Variants in PCP2 observed in about 807,000 individuals in gnomAD.
The protein encoded by PCP2 is Purkinje cell protein 2.
PCP2 carries 21 observed loss-of-function variants against 18.3 expected under a neutral mutation model. That is an observed-to-expected ratio of 1.14 (90% CI 0.81 to 1.65). The LOEUF is 1.65. Ranked by LOEUF, PCP2 falls within the 40% of genes most tolerant of loss-of-function variation. The pLI is 0.00. For missense variants in PCP2, 202 were observed against 201.8 expected, an observed-to-expected ratio of 1.00 and a Z score of 0.00; for synonymous variants, 85 against 77.6, an observed-to-expected ratio of 1.10 and a Z score of -0.50.
rs2031363249 is a variant in PCP2, at chr19:7,632,537, CTT to C, written c.167-22_167-21del. The C allele has an allele frequency of 1.2e-6, 2 of 1,611,198 alleles. No homozygotes were observed. Among genetic ancestry groups the C allele is most frequent in the South Asian group, 2.2e-5 (2 of 91,048 alleles). On this transcript the variant is annotated intron_variant, in intron 2 of 3. Coordinates refer to ENST00000311069, the MANE Select transcript of PCP2 (RefSeq NM_174895.3). The surrounding 1 kb of genome is among the most constrained non-coding windows in gnomAD (Gnocchi z 5.2). Reference sequence around the variant, plus strand: ...CGCTCTCTGCGTGGACGTTCACAGACTTGGGAGGACACAGCCGGAGTGGGGGC... The same window carrying C: ...CGCTCTCTGCGTGGACGTTCACAGACGGGAGGACACAGCCGGAGTGGGGGC...
chr19:7,632,505 G>A lies in PCP2; in HGVS notation c.179C>T (p.Thr60Ile), dbSNP rs1374512816. Residue 60 changes from threonine (T) to isoleucine (I), a missense_variant, in exon 3 of 4, where the codon ACC (threonine) becomes ATC (isoleucine). Physicochemically the swap from Thr to Ile is moderately conservative, Grantham distance 89. Coordinates refer to ENST00000311069, the MANE Select transcript of PCP2 (RefSeq NM_174895.3). This position sits in a 1 kb window ranked among gnomAD's most constrained non-coding sequence, Gnocchi z 5.2. ...GTCCATGAGGCTGTCCATCTCGGGG[G>A]TGGGGTCGCTCTCTGCGTGGACGTT... The part of the protein sequence containing the change: ...GQTTKSQSDP[T>I]PEMDSLMDML... 1 of 1,613,282 alleles carries A rather than the reference G, an allele frequency of 6.2e-7. No individual in the cohort carries two copies. Among genetic ancestry groups the A allele is most frequent in the Non-Finnish European group, 8.5e-7 (1 of 1,179,966 alleles).
upstream of PCP2, among the ~76,000 whole-genome samples, chr19:7,634,435 C>T (rs1304919273): frequency 6.6e-6 from 1 of 152,250 alleles, no homozygotes; most frequent in Non-Finnish European, 1.5e-5. Flanking sequence ...TCCCTCTATG[C>T]CAATGAAGTG....
intron 1 of PCP2, 78 bp downstream of exon 1, chr19:7,633,329 T>C (rs1454875145): frequency 3.0e-6 from 4 of 1,343,082 alleles, no homozygotes; most frequent in Non-Finnish European, 4.1e-6. Flanking sequence ...GTTAATTAGG[T>C]GCCCTACAAA....
rs370990226 is a variant in PCP2 at position 7,633,646 on chromosome 19, T to C, written c.-189A>G. On this transcript the variant is annotated 5_prime_UTR_variant, in exon 1 of 4. Coordinates refer to ENST00000311069, the MANE Select transcript of PCP2 (RefSeq NM_174895.3). Reference sequence around the variant, plus strand: ...CCAGATAATTGTTTGCCCACAACGATGCTGGATCTGGCATGGTGGGTAGGG... The same window carrying C: ...CCAGATAATTGTTTGCCCACAACGACGCTGGATCTGGCATGGTGGGTAGGG... The C allele has an allele frequency of 2.6e-4, 160 of 613,538 alleles. No homozygotes were observed. The African/African-American group carries it at 2.7e-3, about 10-fold the overall frequency. The allele number at this position is 613,538 out of a possible 1,614,324, so 38.0% of individuals were successfully genotyped here.
At chr19:7,631,901 G>A (rs916558322) in intron 3 of PCP2, 93 bp from the exon 4 acceptor site, 20 of 1,214,094 alleles carry the variant, frequency 1.6e-5, no homozygotes, top group South Asian at 2.6e-5. Context: ...GGTAGCCACC[G>A]TGTCCCACCT....
In PCP2 at chr19:7,632,125, T is replaced by G; in HGVS notation, c.291+268A>C. On this transcript the variant is annotated intron_variant, in intron 3 of 3. Transcript: ENST00000311069. This position sits in a 1 kb window ranked among gnomAD's most constrained non-coding sequence, Gnocchi z 5.2. ...CCTGGGATACTTTCCTAGGAAGGGG[T>G]CCTATTTTCTCCCTTTGGCCTCCCC... 1 of 575,724 alleles carries G rather than the reference T, an allele frequency of 1.7e-6. No homozygotes were observed. The highest frequency in any genetic ancestry group is 3.0e-6 in the Non-Finnish European group (1 of 332,356). The allele number at this position is 575,724 out of a possible 1,614,324, so 35.7% of individuals were successfully genotyped here.
intron 1 of PCP2, chr19:7,633,115 G>T: frequency 9.9e-7 from 1 of 1,014,382 alleles, no homozygotes; most frequent in Non-Finnish European, 1.4e-6. Flanking sequence ...CTAGATTGGG[G>T]CCTGATGAGT....
chr19:7,636,862 T>C (rs7359905), upstream of PCP2: 169,144 of 367,426 alleles, frequency 0.46, 42,037 homozygotes, highest in East Asian at 0.74. Flanking sequence ...CCTGCGATCC[T>C]GCTTCGCACG....
At position 7,633,417 on chromosome 19, in the gene PCP2, G is replaced by C. The variant is rs764220504; in HGVS notation, c.41C>G (p.Pro14Arg). The change falls in exon 1 of 4, where the codon CCC (proline) becomes CGC (arginine). Residue 14 changes from proline to arginine, a missense_variant. Pro to Arg is a moderately radical substitution (Grantham distance 103). Coordinates refer to ENST00000311069, the MANE Select transcript of PCP2 (RefSeq NM_174895.3). The stretch of plus-strand genomic sequence containing the variant: ...GCAGGGCCCTCTCACCTCGGCACAG[G>C]GGCCTGAGCCTTCCTCCGTCTTCTC... The part of the protein sequence containing the change: ...QEEKTEEGSG[P>R]CAEAGSPDQE... 1.3e-6 allele frequency: 2 copies of C among 1,573,660 alleles called. No individual in the cohort carries two copies. Among genetic ancestry groups the C allele is most frequent in the East Asian group, 2.3e-5 (1 of 43,286 alleles).
chr19:7,634,841 C>G (rs941169240), upstream of PCP2, among the ~76,000 whole-genome samples: 3 of 152,216 alleles, frequency 2.0e-5, no homozygotes, highest in Non-Finnish European at 4.4e-5. Context: ...TGGCTTGTCA[C>G]TGCAGCTCTT....
Position 7,633,483 on chromosome 19 carries a change from G to T in PCP2, c.-26C>A, listed in dbSNP as rs1394598370. On this transcript the variant is annotated 5_prime_UTR_variant, in exon 1 of 4. Coordinates refer to ENST00000311069, the MANE Select transcript of PCP2 (RefSeq NM_174895.3). Reference sequence around the variant, plus strand: ...GTCCCTGGACTCCAGTCACTTTTCTGCTGGCCTCTGCCCCGGCCCAGTGCC... The same window carrying T: ...GTCCCTGGACTCCAGTCACTTTTCTTCTGGCCTCTGCCCCGGCCCAGTGCC... 4.5e-6 allele frequency: 7 copies of T among 1,562,862 alleles called. No individual in the cohort carries two copies. In the South Asian group the frequency reaches 5.9e-5, roughly 13 times the overall value.
intron 3 of PCP2, 142 bp from the exon 4 acceptor site, chr19:7,631,950 C>T: frequency 1.2e-6 from 1 of 850,968 alleles, no homozygotes; most frequent in Admixed American, 3.7e-5. Flanking sequence ...TCAATATCTG[C>T]CATTTAGGGT....
Position 7,632,344 on chromosome 19 carries a change from G to C in PCP2, c.291+49C>G. On this transcript the variant is annotated intron_variant, in intron 3 of 3. Coordinates refer to ENST00000311069, the MANE Select transcript of PCP2 (RefSeq NM_174895.3). This position sits in a 1 kb window ranked among gnomAD's most constrained non-coding sequence, Gnocchi z 5.2. ...GGCTGGGGTGGAGGGCAGGATCGGA[G>C]AGCACTGCCTGGCGGGTTTCTCCTC... 1 of 1,608,484 alleles carries C rather than the reference G, an allele frequency of 6.2e-7. No individual in the cohort carries two copies. Among genetic ancestry groups the C allele is most frequent in the Non-Finnish European group, 8.5e-7 (1 of 1,177,774 alleles).
At chr19:7,636,780 C>A (rs2279043), upstream of PCP2, 11,813 of 228,606 alleles carry the variant, frequency 0.052, 1,617 homozygotes, top group East Asian at 0.49. Context: ...CAGTGGCGGC[C>A]CGGTGGCATC....
rs774949993 is a variant in PCP2, at chr19:7,633,377, G to C, written c.51+30C>G. 5 of 1,554,708 alleles carry C rather than the reference G, an allele frequency of 3.2e-6. No individual in the cohort carries two copies. In the South Asian group the frequency reaches 5.9e-5, roughly 18 times the overall value. On this transcript the variant is annotated intron_variant, in intron 1 of 3. Coordinates refer to ENST00000311069, the MANE Select transcript of PCP2 (RefSeq NM_174895.3). Reference sequence around the variant, plus strand: ...ATCATGGGCTCTGAGACCTTGAGCTGGGGGTGGGGTGGGGGCAGGGCCCTC... The same window carrying C: ...ATCATGGGCTCTGAGACCTTGAGCTCGGGGTGGGGTGGGGGCAGGGCCCTC...
At position 7,632,777 on chromosome 19, in the gene PCP2, G is replaced by T. The variant is rs141790809; in HGVS notation, c.105C>A (p.Gly35=). 6 of 1,566,620 alleles carry T rather than the reference G, an allele frequency of 3.8e-6. No individual in the cohort carries two copies. Residue 35 remains glycine, a synonymous_variant, in exon 2 of 4, where the codon GGC becomes GGA. Transcript: ENST00000311069. The surrounding 1 kb of genome is among the most constrained non-coding windows in gnomAD (Gnocchi z 5.2). The part of the protein sequence containing the change: ...GFFNLLSHVQ[G]DRMEGQRCSL... Reference sequence around the variant, plus strand: ...AACAGCGCTGTCCCTCCATCCGGTCGCCCTGCACGTGGCTCAGCAGATTGA... The same window carrying T: ...AACAGCGCTGTCCCTCCATCCGGTCTCCCTGCACGTGGCTCAGCAGATTGA...
At chr19:7,633,161 T>C in intron 1 of PCP2, 1 of 332,986 alleles carries the variant, frequency 3.0e-6, no homozygotes, top group Non-Finnish European at 4.3e-6. Context: ...CAGGGAAACA[T>C]GGCCCAGGAG....
Position 7,631,630 on chromosome 19 carries a change from G to A in PCP2, c.*59C>T, listed in dbSNP as rs766288753. The A allele has an allele frequency of 1.2e-5, 17 of 1,466,260 alleles. No homozygotes were observed. The highest frequency in any genetic ancestry group is 4.0e-5 in the South Asian group (3 of 74,620). 90.8% of individuals were successfully genotyped at this position (1,466,260 alleles called of 1,614,324 possible). ...ACTCAGTTCCTTGTTATTCATTTAA[G>A]TGTTTTATTCTTTTATCAGTTTTTG... On this transcript the variant is annotated 3_prime_UTR_variant, in exon 4 of 4. Transcript: ENST00000311069.
At position 7,632,127 on chromosome 19, in the gene PCP2, C is replaced by A; in HGVS notation, c.291+266G>T. 1 of 586,932 alleles carries A rather than the reference C, an allele frequency of 1.7e-6. No individual in the cohort carries two copies. Among genetic ancestry groups the A allele is most frequent in the South Asian group, 2.4e-5 (1 of 41,558 alleles). The allele number at this position is 586,932 out of a possible 1,614,324, so 36.4% of individuals were successfully genotyped here. ...TGGGATACTTTCCTAGGAAGGGGTC[C>A]TATTTTCTCCCTTTGGCCTCCCCAG... On this transcript the variant is annotated intron_variant, in intron 3 of 3. Coordinates refer to ENST00000311069, the MANE Select transcript of PCP2 (RefSeq NM_174895.3). The surrounding 1 kb of genome is among the most constrained non-coding windows in gnomAD (Gnocchi z 5.2).
Sources: allele counts gnomAD v4.1 joint callset (sites outside exome capture counted in the v4.1 genomes callset), GRCh38; gene constraint gnomAD v4.1.1; non-coding constraint Gnocchi (gnomAD v3.1); transcripts MANE v1.5; gene names NCBI Gene and HGNC (gene_info 2026-07-23, HGNC 2026-07-21).